Variants in BORA observed in about 807,000 individuals in gnomAD.
The protein encoded by BORA is protein aurora borealis.
A neutral mutation model predicts 55.8 loss-of-function variants in BORA; 26 were observed. That is an observed-to-expected ratio of 0.47 (90% CI 0.34 to 0.65). The LOEUF (loss-of-function observed/expected upper bound fraction) is 0.65, where lower values mean the gene tolerates loss of function less well. BORA is among the 30% of genes least tolerant of loss of function. BORA has a pLI of 0.01. For synonymous variants in BORA, 201 were observed against 216.9 expected (o/e 0.93, Z 0.64); for missense variants, 568 against 671.5 (o/e 0.85, Z 1.70).
chr13:72,745,644 T>G (rs1323508719), intron 8 of BORA, among the ~76,000 whole-genome samples: 1 of 152,208 alleles, frequency 6.6e-6, no homozygotes, highest in African/African-American at 2.4e-5. Context: ...AGATTTACAG[T>G]ATAATACAAC....
In BORA at chr13:72,745,173, T is replaced by G; in HGVS notation, c.704T>G (p.Val235Gly). 2 of 1,614,070 alleles carry G rather than the reference T, an allele frequency of 1.2e-6. No homozygotes were observed. Among genetic ancestry groups the G allele is most frequent in the South Asian group, 1.1e-5 (1 of 91,084 alleles). The change falls in exon 8 of 12, where the codon GTA becomes GGA. Residue 235 changes from valine (V) to glycine (G), a missense_variant. By Grantham distance (109) the Val-to-Gly change is moderately radical (BLOSUM62 -3). Transcript: ENST00000390667. ...TTTTATTCAATAGATTTGTCTCCTG[T>G]AAAGTGTAGGAGCCCCTTGCAGACA... ...EMFYSIDLSP[V>G]KCRSPLQTPS...
At chr13:72,750,554 G>A (rs143834819) in intron 10 of BORA, among the ~76,000 whole-genome samples, 238 of 152,086 alleles carry the variant, frequency 1.6e-3, no homozygotes, top group African/African-American at 5.4e-3. Context: ...GAACAACAGG[G>A]TATAAGTAAC....
chr13:72,742,261 G>A (rs1261442326), intron 5 of BORA, among the ~76,000 whole-genome samples: 1 of 151,230 alleles, frequency 6.6e-6, no homozygotes, highest in East Asian at 1.9e-4. Flanking sequence ...TGGGGGGAGG[G>A]GGGGTTTGTT....
At chr13:72,737,145 AG>A (rs2032947175) in intron 4 of BORA, among the ~76,000 whole-genome samples, 1 of 152,344 alleles carries the variant, frequency 6.6e-6, no homozygotes. Flanking sequence ...GAAAGAGGAA[AG>A]AAAAGTATAC....
chr13:72,736,588 C>A lies in BORA; in HGVS notation c.307-1374C>A, dbSNP rs568951008. Among the ~76,000 whole-genome samples, 31 of 152,238 alleles carry A rather than the reference C, an allele frequency of 2.0e-4. No individual in the cohort carries two copies. The South Asian group carries it at 6.2e-3, about 31-fold the overall frequency. On this transcript the variant is annotated intron_variant, in intron 4 of 11. Coordinates refer to ENST00000390667, the MANE Select transcript of BORA (RefSeq NM_024808.5). ...ATTCTCTTAGCAACAGCATAGTTAC[C>A]TAGCCCCTGTTGACAGATGTTTAAA...
chr13:72,747,815 G>A (rs1189274751), intron 10 of BORA, among the ~76,000 whole-genome samples: 2 of 152,150 alleles, frequency 1.3e-5, no homozygotes, highest in Non-Finnish European at 2.9e-5. Context: ...TTATAGGCAT[G>A]AGCCACCGCG....
At chr13:72,744,447 T>C in intron 6 of BORA, 58 bp from the exon 7 acceptor site, 1 of 1,413,908 alleles carries the variant, frequency 7.1e-7, no homozygotes, top group Non-Finnish European at 1.0e-6. Context: ...TTGTATAGTG[T>C]ATACTTTCAT....
Position 72,755,523 on chromosome 13 carries a change from T to TA in BORA, c.*308dup. ...TATCTTACAGGGTCAATGAACTACT[T>TA]ATTAAGCCTTACTGGTAGCACTGAA... On this transcript the variant is annotated 3_prime_UTR_variant, in exon 12 of 12. Transcript: ENST00000390667. The TA allele has an allele frequency of 2.7e-6, 1 of 371,940 alleles. No homozygotes were observed. Among genetic ancestry groups the TA allele is most frequent in the Non-Finnish European group, 4.8e-6 (1 of 209,804 alleles). 23.0% of individuals were successfully genotyped at this position (371,940 alleles called of 1,614,324 possible).
intron 10 of BORA, among the ~76,000 whole-genome samples, chr13:72,751,615 A>G (rs2033276096): frequency 1.3e-5 from 2 of 152,122 alleles, no homozygotes; most frequent in African/African-American, 4.8e-5. Flanking sequence ...AGGGATAGGG[A>G]GAGGTTGGTT....
chr13:72,747,964 A>G (rs2033186786), intron 10 of BORA, among the ~76,000 whole-genome samples: 1 of 152,194 alleles, frequency 6.6e-6, no homozygotes. Flanking sequence ...TTCATTTAAC[A>G]GATACGTATA....
chr13:72,747,243 A>G (rs1173455476), intron 10 of BORA, 132 bp downstream of exon 10: 5 of 919,490 alleles, frequency 5.4e-6, no homozygotes, highest in Non-Finnish European at 1.5e-6. Context: ...TTTTAAAAAT[A>G]TTAATACCAA....
intron 4 of BORA, among the ~76,000 whole-genome samples, chr13:72,735,802 T>C (rs139098269): frequency 0.012 from 1,801 of 152,098 alleles, 28 homozygotes; most frequent in African/African-American, 0.04. Context: ...AGAGACGGGA[T>C]TTCTCCATCT....
intron 3 of BORA, among the ~76,000 whole-genome samples, chr13:72,734,238 A>G (rs1488763958): frequency 6.6e-6 from 1 of 151,476 alleles, no homozygotes; most frequent in Non-Finnish European, 1.5e-5. Flanking sequence ...TTTAAATTGT[A>G]AAAAAAAATA....
intron 2 of BORA, among the ~76,000 whole-genome samples, chr13:72,729,358 C>G (rs566660840): frequency 5.1e-4 from 77 of 151,832 alleles, no homozygotes; most frequent in South Asian, 3.7e-3. Flanking sequence ...CTGTGGTTGA[C>G]GATATAGCTA....
At chr13:72,732,336 A>G (rs1197175384) in intron 3 of BORA, among the ~76,000 whole-genome samples, 5 of 152,206 alleles carry the variant, frequency 3.3e-5, no homozygotes, top group Non-Finnish European at 7.3e-5. Flanking sequence ...TAGGAAGGGA[A>G]TAGAATGAGG....
intron 6 of BORA, 123 bp downstream of exon 6, chr13:72,743,725 TTTA>T: frequency 5.5e-6 from 4 of 721,968 alleles, no homozygotes; most frequent in Non-Finnish European, 8.4e-6. Context: ...TTTTTTTTAA[TTTA>T]TTTTTGTTTT....
chr13:72,732,575 G>A (rs1234045190), intron 3 of BORA, among the ~76,000 whole-genome samples: 4 of 152,104 alleles, frequency 2.6e-5, no homozygotes, highest in African/African-American at 9.7e-5. Flanking sequence ...TACTCGGGAG[G>A]CCGAGACAGG....
intron 1 of BORA, 22 bp downstream of exon 1, chr13:72,728,029 C>T (rs945513751): frequency 6.4e-6 from 10 of 1,550,560 alleles, no homozygotes; most frequent in South Asian, 1.2e-5. Flanking sequence ...CTTTGTGGTC[C>T]CTGGCCTTTC....
At chr13:72,729,960 C>CTT (rs777576799) in intron 2 of BORA, among the ~76,000 whole-genome samples, 2 of 142,248 alleles carry the variant, frequency 1.4e-5, no homozygotes, top group African/African-American at 5.1e-5. Flanking sequence ...ATCACTTTAT[C>CTT]TTTTTTTTTT....
Sources: allele counts gnomAD v4.1 joint callset (sites outside exome capture counted in the v4.1 genomes callset), GRCh38; gene constraint gnomAD v4.1.1; transcripts MANE v1.5; gene names NCBI Gene and HGNC (gene_info 2026-07-23, HGNC 2026-07-21).